Variants in NXPE3 observed in about 807,000 individuals in gnomAD.
The protein encoded by NXPE3 is NXPE family member 3.
Under a neutral mutation model 46.1 loss-of-function variants are expected in NXPE3, and 26 were observed. The observed-to-expected ratio is 0.56, with a 90% CI of 0.41 to 0.78. NXPE3 has a LOEUF of 0.78. Among genes scored for constraint, NXPE3 ranks in the 30% least tolerant of loss-of-function variants. NXPE3 has a pLI of 0.00. For missense variants in NXPE3, 620 were observed against 686.0 expected, an observed-to-expected ratio of 0.90 and a Z score of 1.07; for synonymous variants, 272 against 257.9, an observed-to-expected ratio of 1.05 and a Z score of -0.52.
At chr3:101,791,498 G>A (rs1299614549) in intron 4 of NXPE3, among the ~76,000 whole-genome samples, 2 of 152,116 alleles carry the variant, frequency 1.3e-5, no homozygotes, top group South Asian at 2.1e-4. Context: ...TTATTCTCCT[G>A]CCTCAGCCTC....
chr3:101,786,091 A>C (rs1255619612), intron 4 of NXPE3, among the ~76,000 whole-genome samples: 1 of 152,206 alleles, frequency 6.6e-6, no homozygotes, highest in Admixed American at 6.5e-5. Flanking sequence ...CATGGAAAAA[A>C]GCTGAAGGAG....
Position 101,806,464 on chromosome 3 carries a change from C to T in NXPE3, c.849-589C>T, listed in dbSNP as rs182713302. On this transcript the variant is annotated intron_variant, in intron 5 of 7. Transcript: ENST00000273347. ...GGATACAAAGATGAATGAGGCACCA[C>T]CCTTATCTTCGAGTAGTATATGTTT... Among the ~76,000 whole-genome samples the T allele has an allele frequency of 2.0e-3, 301 of 152,276 alleles. 1 individual carries two copies. The highest frequency in any genetic ancestry group is 2.9e-3 in the Non-Finnish European group (197 of 68,022).
chr3:101,787,162 C>A (rs1278727389), intron 4 of NXPE3, among the ~76,000 whole-genome samples: 4 of 147,908 alleles, frequency 2.7e-5, no homozygotes, highest in Admixed American at 6.7e-5. Context: ...AAAAAAAAAA[C>A]ACAACAAATC....
chr3:101,801,974 G>C lies in NXPE3; in HGVS notation c.833G>C (p.Ser278Thr). 1 of 1,608,304 alleles carries C rather than the reference G, an allele frequency of 6.2e-7. No individual in the cohort carries two copies. Residue 278 changes from serine to threonine, a missense_variant, in exon 5 of 8, where the codon AGT (serine) becomes ACT (threonine). By Grantham distance (58) the Ser-to-Thr change is moderately conservative. Transcript: ENST00000273347. ...YLKGLLTAAE[S>T]AFFQSGVNIK... is the part of the protein sequence containing the mutation. ...AAAGGTCTCCTAACCGCTGCAGAGA[G>C]TGCTTTCTTCCAGAGGTATGTACTG...
At chr3:101,812,580 G>T (rs1477913749) in intron 6 of NXPE3, among the ~76,000 whole-genome samples, 1 of 151,932 alleles carries the variant, frequency 6.6e-6, no homozygotes, top group Non-Finnish European at 1.5e-5. Flanking sequence ...TTGGGAGGCC[G>T]AGGCGGGTGG....
At chr3:101,808,846 T>TACACACAC (rs1560057808) in intron 6 of NXPE3, among the ~76,000 whole-genome samples, 1 of 130,968 alleles carries the variant, frequency 7.6e-6, no homozygotes, top group African/African-American at 2.8e-5. Flanking sequence ...TATATATATA[T>TACACACAC]ATATATATAT....
At position 101,801,675 on chromosome 3, in the gene NXPE3, A is replaced by C; in HGVS notation, c.534A>C (p.Pro178=). ...AGGTTTTCTTTACTTTGCTATGGCC[A>C]GGCAAAGTTAAAGTATCCGTATCTC... ...FYKVFFTLLW[P]GKVKVSVSLV... The change falls in exon 5 of 8, where the codon CCA becomes CCC. Residue 178 remains proline, a synonymous_variant. Coordinates refer to ENST00000273347, the MANE Select transcript of NXPE3 (RefSeq NM_145037.4). 1 of 1,614,220 alleles carries C rather than the reference A, an allele frequency of 6.2e-7. No homozygotes were observed. The highest frequency in any genetic ancestry group is 1.7e-5 in the Admixed American group (1 of 60,020).
At chr3:101,805,432 C>CTT (rs1204375308) in intron 5 of NXPE3, among the ~76,000 whole-genome samples, 1 of 140,624 alleles carries the variant, frequency 7.1e-6, no homozygotes, top group Non-Finnish European at 1.6e-5. Context: ...GTAGAATGTC[C>CTT]TTTTTTTTTT....
chr3:101,790,492 G>C (rs1940443636), intron 4 of NXPE3, among the ~76,000 whole-genome samples: 1 of 152,110 alleles, frequency 6.6e-6, no homozygotes, highest in African/African-American at 2.4e-5. Flanking sequence ...TTCATGCTTG[G>C]TAAAATTCTT....
At chr3:101,785,771 T>G in intron 4 of NXPE3, 82 bp downstream of exon 4, 1 of 1,122,574 alleles carries the variant, frequency 8.9e-7, no homozygotes, top group Non-Finnish European at 1.4e-6. Flanking sequence ...AAACGTTGGT[T>G]ATCGGAAGAT....
intron 6 of NXPE3, among the ~76,000 whole-genome samples, chr3:101,811,205 C>A (rs961246571): frequency 1.3e-5 from 2 of 152,156 alleles, no homozygotes; most frequent in South Asian, 4.1e-4. Context: ...GAGGAGAGAA[C>A]AGAGTTATGC....
chr3:101,815,811 C>T (rs184085449), intron 6 of NXPE3, among the ~76,000 whole-genome samples: 3 of 152,230 alleles, frequency 2.0e-5, no homozygotes, highest in Admixed American at 6.5e-5. Flanking sequence ...TCTTGGCCAA[C>T]GTGATGAAAC....
At chr3:101,786,614 A>G (rs903937154) in intron 4 of NXPE3, among the ~76,000 whole-genome samples, 1 of 152,252 alleles carries the variant, frequency 6.6e-6, no homozygotes, top group Non-Finnish European at 1.5e-5. Context: ...GGCTTAAGGC[A>G]TAAAAGCTAA....
At position 101,825,966 on chromosome 3, in the gene NXPE3, C is replaced by T. The variant is rs1207680644; in HGVS notation, c.*4012C>T. On this transcript the variant is annotated 3_prime_UTR_variant, in exon 8 of 8. Coordinates refer to ENST00000273347, the MANE Select transcript of NXPE3 (RefSeq NM_145037.4). ...TATCCTACTAAAAGTAACCTTTCTT[C>T]AGCGAATGCAAAACAGACCTTTGGT... 6 of 152,320 alleles carry T rather than the reference C, an allele frequency of 3.9e-5. No individual in the cohort carries two copies. The highest frequency in any genetic ancestry group is 1.2e-4 in the African/African-American group (5 of 41,576). 9.4% of individuals were successfully genotyped at this position (152,320 alleles called of 1,614,324 possible).
At chr3:101,815,956 A>C (rs1290478706) in intron 6 of NXPE3, among the ~76,000 whole-genome samples, 1 of 151,998 alleles carries the variant, frequency 6.6e-6, no homozygotes, top group Non-Finnish European at 1.5e-5. Context: ...AGATCATGCC[A>C]CTGCACTCCA....
chr3:101,821,543 T>C lies in NXPE3; in HGVS notation c.1269T>C (p.His423=), dbSNP rs35598292. 6.2e-7 allele frequency: 1 copy of C among 1,614,030 alleles called. No homozygotes were observed. Residue 423 remains histidine (H), a synonymous_variant, in exon 8 of 8, where the codon CAT becomes CAC. Coordinates refer to ENST00000273347, the MANE Select transcript of NXPE3 (RefSeq NM_145037.4). ...CGACTGTCTTTAGCAATGAGCTCCA[T>C]TATGTGGCGAATGAGCTGAATGGCA... ...RFTTVFSNEL[H]YVANELNGIV...
At chr3:101,818,408 G>GCTA (rs1942059349) in intron 7 of NXPE3, among the ~76,000 whole-genome samples, 1 of 152,044 alleles carries the variant, frequency 6.6e-6, no homozygotes, top group Non-Finnish European at 1.5e-5. Context: ...GCCTTCCTAG[G>GCTA]TGTCTGTAGT....
chr3:101,812,855 A>G (rs896434994), intron 6 of NXPE3, among the ~76,000 whole-genome samples: 1 of 148,584 alleles, frequency 6.7e-6, no homozygotes, highest in Non-Finnish European at 1.5e-5. Context: ...TATTTGGACT[A>G]GCTACTCTCT....
rs2107370526 is a variant in NXPE3, at chr3:101,823,429, T to TA, written c.*1476dup. 6.6e-6 allele frequency: 1 copy of TA among 152,268 alleles called. No homozygotes were observed. Among genetic ancestry groups the TA allele is most frequent in the South Asian group, 2.1e-4 (1 of 4,824 alleles). 9.4% of individuals were successfully genotyped at this position (152,268 alleles called of 1,614,324 possible). A position where few individuals can be genotyped will look rare whatever the true frequency, so the allele number is the denominator to read the frequency against. On this transcript the variant is annotated 3_prime_UTR_variant, in exon 8 of 8. Coordinates refer to ENST00000273347, the MANE Select transcript of NXPE3 (RefSeq NM_145037.4). ...AAAATAGTTTAATTTTAATGGTCCT[T>TA]ACGCTTTACAGTACCTAAGGATCAC... is the stretch of plus-strand genomic sequence containing the variant.
Sources: allele counts gnomAD v4.1 joint callset (sites outside exome capture counted in the v4.1 genomes callset), GRCh38; gene constraint gnomAD v4.1.1; transcripts MANE v1.5; gene names NCBI Gene and HGNC (gene_info 2026-07-23, HGNC 2026-07-21).